Variants in CLIP1 observed in about 807,000 individuals in gnomAD.
CLIP1 encodes the protein CAP-Gly domain containing linker protein 1.
A neutral mutation model predicts 161.6 loss-of-function variants in CLIP1; 66 were observed. The ratio of observed to expected loss-of-function variants is 0.41; its 90% confidence interval spans 0.33 to 0.50. The LOEUF (loss-of-function observed/expected upper bound fraction) is 0.50. Ranked by LOEUF, CLIP1 falls within the 20% of genes least tolerant of loss-of-function variation. The pLI is 0.27. For missense variants in CLIP1, 1,376 were observed against 1,702.0 expected, an observed-to-expected ratio of 0.81 and a Z score of 3.37; for synonymous variants, 598 against 626.2, an observed-to-expected ratio of 0.96 and a Z score of 0.67.
intron 5 of CLIP1, among the ~76,000 whole-genome samples, chr12:122,356,605 CCTCTCT>C (rs1025872288): frequency 4.7e-5 from 7 of 150,506 alleles, no homozygotes; most frequent in African/African-American, 1.7e-4. Flanking sequence ...GGTCCCTCTC[CCTCTCT>C]CCCTCTCCCT....
At chr12:122,330,265 T>C (rs1344873281) in intron 15 of CLIP1, among the ~76,000 whole-genome samples, 1 of 152,214 alleles carries the variant, frequency 6.6e-6, no homozygotes, top group East Asian at 1.9e-4. Flanking sequence ...TTGAAGGCAC[T>C]GAGCCACCAC....
intron 1 of CLIP1, among the ~76,000 whole-genome samples, chr12:122,403,738 C>T (rs568616940): frequency 1.3e-5 from 2 of 152,026 alleles, no homozygotes; most frequent in Admixed American, 1.3e-4. Context: ...CCAAGCTGGT[C>T]TTGAACTCCT....
intron 18 of CLIP1, 39 bp from the exon 19 acceptor site, chr12:122,316,894 C>A: frequency 4.1e-6 from 5 of 1,210,736 alleles, no homozygotes; most frequent in Non-Finnish European, 5.8e-6. Context: ...GAAATTATTT[C>A]ATTTTCCAGT....
intron 17 of CLIP1, among the ~76,000 whole-genome samples, chr12:122,326,598 G>C (rs1324411555): frequency 6.6e-6 from 1 of 152,150 alleles, no homozygotes; most frequent in Non-Finnish European, 1.5e-5. Context: ...GGGATCACTT[G>C]AGCCCGAGAG....
Position 122,341,252 on chromosome 12 carries a change from G to T in CLIP1, c.1952C>A (p.Thr651Lys). The T allele has an allele frequency of 6.2e-7, 1 of 1,614,050 alleles. No homozygotes were observed. Among genetic ancestry groups the T allele is most frequent in the South Asian group, 1.1e-5 (1 of 91,068 alleles). ...TAGTTCAGCAAATTCTGCCGTCTCT[G>T]TTCCAAGCCCTTTGCTGAAAGATAC... is the stretch of plus-strand genomic sequence containing the variant. ...LKVSFSKGLG[T>K]ETAEFAELKT... Residue 651 changes from threonine (T) to lysine (K), a missense_variant, in exon 11 of 26, where the codon ACA becomes AAA. Physicochemically the swap from Thr to Lys is moderately conservative, Grantham distance 78 (BLOSUM62 -1). Coordinates refer to ENST00000620786, the MANE Select transcript of CLIP1 (RefSeq NM_001247997.2).
intron 1 of CLIP1, among the ~76,000 whole-genome samples, chr12:122,394,594 G>A (rs1389183522): frequency 1.3e-5 from 2 of 151,570 alleles, no homozygotes; most frequent in Non-Finnish European, 2.9e-5. Context: ...TACTTAAAGG[G>A]ACAATCCTTT....
At chr12:122,327,901 A>G in intron 17 of CLIP1, 46 bp downstream of exon 17, 1 of 1,575,394 alleles carries the variant, frequency 6.3e-7, no homozygotes, top group Non-Finnish European at 8.7e-7. Flanking sequence ...CTCGACACAG[A>G]GCTCAGGCAA....
rs1206467096 is a variant in CLIP1, at chr12:122,354,472, G to C, written c.1288C>G (p.Gln430Glu). The change falls in exon 7 of 26, where the codon CAG becomes GAG. Residue 430 changes from glutamine (Q) to glutamate (E), a missense_variant. Physicochemically the swap from Gln to Glu is conservative, Grantham distance 29. Coordinates refer to ENST00000620786, the MANE Select transcript of CLIP1 (RefSeq NM_001247997.2). The part of the protein sequence containing the change: ...ADREKVELLN[Q>E]LEEEKRKVED... ...GGTCACCTTTTCTCCTCTTCAAGCT[G>C]GTTGAGAAGCTCCACCTTCTCCCTG... The C allele has an allele frequency of 1.9e-6, 3 of 1,613,548 alleles. No individual in the cohort carries two copies. Among genetic ancestry groups the C allele is most frequent in the African/African-American group, 1.3e-5 (1 of 75,028 alleles).
chr12:122,391,858 C>T (rs1350282945), intron 1 of CLIP1, among the ~76,000 whole-genome samples: 2 of 152,186 alleles, frequency 1.3e-5, no homozygotes, highest in Non-Finnish European at 2.9e-5. Context: ...CACCACCAGT[C>T]CATACAAGAA....
At chr12:122,387,045 C>T (rs1431111847) in intron 1 of CLIP1, among the ~76,000 whole-genome samples, 1 of 152,050 alleles carries the variant, frequency 6.6e-6, no homozygotes, top group Non-Finnish European at 1.5e-5. Flanking sequence ...TACATGCCAC[C>T]ACACCCAGCT....
At chr12:122,404,679 G>A (rs545872948) in intron 1 of CLIP1, among the ~76,000 whole-genome samples, 2 of 85,216 alleles carry the variant, frequency 2.3e-5, no homozygotes, top group East Asian at 2.4e-4. Context: ...GGTGGATCAC[G>A]AGGTCGGATC....
intron 19 of CLIP1, among the ~76,000 whole-genome samples, chr12:122,316,237 A>T: frequency 6.8e-6 from 1 of 147,902 alleles, no homozygotes; most frequent in South Asian, 2.2e-4. Context: ...TTGAGACAGG[A>T]TCTCACTCTG....
At chr12:122,350,665 C>A (rs1333507228) in intron 9 of CLIP1, among the ~76,000 whole-genome samples, 1 of 151,362 alleles carries the variant, frequency 6.6e-6, no homozygotes, top group Non-Finnish European at 1.5e-5. Context: ...GCCTCACAAT[C>A]CCCTTTCCTC....
At chr12:122,298,293 G>A (rs1205989795) in intron 20 of CLIP1, among the ~76,000 whole-genome samples, 1 of 152,168 alleles carries the variant, frequency 6.6e-6, no homozygotes, top group Non-Finnish European at 1.5e-5. Context: ...ATATGAATAT[G>A]TACATGAATT....
intron 3 of CLIP1, chr12:122,365,409 A>G: frequency 1.2e-6 from 1 of 809,598 alleles, no homozygotes. Flanking sequence ...ATTCTTGCCA[A>G]GAGAAATAAT....
intron 25 of CLIP1, 70 bp downstream of exon 25, chr12:122,273,968 A>G: frequency 2.1e-6 from 3 of 1,405,876 alleles, no homozygotes; most frequent in Non-Finnish European, 2.0e-6. Context: ...CTGACCCTCA[A>G]GTGGTCCGCC....
In CLIP1 at chr12:122,311,782, A is replaced by G. The variant is rs1951071762; in HGVS notation, c.3474-1900T>C. Among the ~76,000 whole-genome samples, 1 of 152,168 alleles carries G rather than the reference A, an allele frequency of 6.6e-6. No individual in the cohort carries two copies. The highest frequency in any genetic ancestry group is 6.6e-5 in the Admixed American group (1 of 15,264). On this transcript the variant is annotated intron_variant, in intron 19 of 25. Transcript: ENST00000620786. The surrounding 1 kb of genome is among the most constrained non-coding windows in gnomAD (Gnocchi z 4.3). ...ATGTCCATTTTCTCATTTAATCCTC[A>G]AAGCCCAAGGAGGCTCATGTCATTT...
intron 1 of CLIP1, among the ~76,000 whole-genome samples, chr12:122,408,509 A>T (rs1350963128): frequency 2.0e-5 from 3 of 150,812 alleles, no homozygotes; most frequent in African/African-American, 7.3e-5. Flanking sequence ...CCACCACACC[A>T]GGCTAATTTT....
At chr12:122,415,727 G>A (rs1235446445) in intron 1 of CLIP1, among the ~76,000 whole-genome samples, 1 of 150,680 alleles carries the variant, frequency 6.6e-6, no homozygotes, top group Non-Finnish European at 1.5e-5. Flanking sequence ...GCTGAGGCAG[G>A]AGAATTGCTT....
Sources: gnomAD v4.1 joint callset for allele counts (sites outside exome capture counted in the v4.1 genomes callset) on GRCh38, gnomAD v4.1.1 for gene constraint, Gnocchi (gnomAD v3.1) non-coding constraint, MANE v1.5 for transcripts, NCBI Gene and HGNC (gene_info 2026-07-23, HGNC 2026-07-21) for gene names.